Variants in CACHD1 observed in about 807,000 individuals in gnomAD.
The protein encoded by CACHD1 is cache domain containing 1, also known as VWFA and cache domain-containing protein 1.
In CACHD1, 71 loss-of-function variants were observed where a neutral mutation model predicts 138.7. The ratio of observed to expected loss-of-function variants is 0.51; its 90% CI spans 0.42 to 0.62. The LOEUF is 0.62. CACHD1 is among the 20% of genes least tolerant of loss of function. The probability of loss-of-function intolerance (pLI) is 0.00; values close to 1 mark genes in which losing one functional copy is unlikely to be tolerated. For missense variants in CACHD1, 1,389 were observed against 1,625.3 expected (o/e 0.85, Z 2.50); for synonymous variants, 578 against 591.5 (o/e 0.98, Z 0.33).
intron 3 of CACHD1, among the ~76,000 whole-genome samples, chr1:64,598,928 T>C (rs531441386): frequency 1.4e-5 from 2 of 139,434 alleles, no homozygotes; most frequent in African/African-American, 2.8e-5. Flanking sequence ...ATTAATATTA[T>C]TATATATTAA....
intron 6 of CACHD1, among the ~76,000 whole-genome samples, chr1:64,633,519 G>A (rs970710409): frequency 5.3e-5 from 8 of 152,174 alleles, no homozygotes; most frequent in African/African-American, 1.9e-4. Context: ...GGGAAGTCAG[G>A]AAGAAGGGAA....
chr1:64,550,040 T>C (rs570309745), intron 1 of CACHD1, among the ~76,000 whole-genome samples: 75 of 152,276 alleles, frequency 4.9e-4, no homozygotes, highest in Middle Eastern at 3.4e-3. Context: ...AGCTGTCATA[T>C]TTCCTGGCAT....
At chr1:64,635,596 C>A (rs1185819395) in intron 7 of CACHD1, among the ~76,000 whole-genome samples, 1 of 150,616 alleles carries the variant, frequency 6.6e-6, no homozygotes, top group Non-Finnish European at 1.5e-5. Flanking sequence ...GTTGGTCAGG[C>A]TGATCTTGAA....
chr1:64,653,369 C>A (rs1649159518), intron 10 of CACHD1, among the ~76,000 whole-genome samples: 1 of 144,136 alleles, frequency 6.9e-6, no homozygotes, highest in African/African-American at 2.6e-5. Flanking sequence ...ACATGTACCC[C>A]TGAAGTTAAA....
At chr1:64,577,513 G>A (rs754068422) in intron 2 of CACHD1, among the ~76,000 whole-genome samples, 18 of 152,106 alleles carry the variant, frequency 1.2e-4, no homozygotes, top group Non-Finnish European at 2.5e-4. Context: ...TTGAAGGTTT[G>A]GGCTCTGAAG....
chr1:64,492,791 T>C (rs531206460), intron 1 of CACHD1, among the ~76,000 whole-genome samples: 3 of 152,326 alleles, frequency 2.0e-5, no homozygotes, highest in Non-Finnish European at 4.4e-5. Flanking sequence ...TGGTGATTCA[T>C]GGAGGACATG....
rs1650060155 is a variant in CACHD1, at chr1:64,678,275, C to T, written c.3209C>T (p.Ala1070Val). 1 of 1,595,592 alleles carries T rather than the reference C, an allele frequency of 6.3e-7. No individual in the cohort carries two copies. Residue 1070 changes from alanine to valine, a missense_variant, in exon 23 of 27, where the codon GCC becomes GTC. Coordinates refer to ENST00000651257, the MANE Select transcript of CACHD1 (RefSeq NM_020925.4). Reference protein sequence around the residue: ...QKECFGGIVGAKSPYVDDMGA... With the variant: ...QKECFGGIVGVKSPYVDDMGA... ...GAATGCTTCGGGGGGATTGTGGGAGCCAAAAGTCCCTACGTTGATGACATG... is the reference window on the plus strand; with the variant it reads ...GAATGCTTCGGGGGGATTGTGGGAGTCAAAAGTCCCTACGTTGATGACATG...
At chr1:64,493,973 C>G (rs2100304059) in intron 1 of CACHD1, among the ~76,000 whole-genome samples, 1 of 152,332 alleles carries the variant, frequency 6.6e-6, no homozygotes, top group Admixed American at 6.5e-5. Flanking sequence ...TCCCAAGTCT[C>G]TCTGTCACCG....
intron 4 of CACHD1, among the ~76,000 whole-genome samples, chr1:64,621,726 G>A (rs1323524158): frequency 2.0e-5 from 3 of 152,160 alleles, no homozygotes; most frequent in African/African-American, 7.2e-5. Context: ...CACATTTGTG[G>A]AACTGAAAGA....
At chr1:64,636,621 T>G (rs1398612776) in intron 7 of CACHD1, among the ~76,000 whole-genome samples, 5 of 152,188 alleles carry the variant, frequency 3.3e-5, no homozygotes, top group South Asian at 2.1e-4. Flanking sequence ...CTCATTTCAT[T>G]TACTTCTTCA....
chr1:64,623,317 G>A (rs555331622), intron 4 of CACHD1, among the ~76,000 whole-genome samples: 2 of 151,886 alleles, frequency 1.3e-5, no homozygotes, highest in Admixed American at 1.3e-4. Context: ...TGGGAGAATC[G>A]CTTGAACCTG....
At chr1:64,506,257 C>T (rs990720266) in intron 1 of CACHD1, 1 of 152,172 alleles carries the variant, frequency 6.6e-6, no homozygotes, top group South Asian at 2.1e-4. Context: ...TTTTGCTGGG[C>T]TCCAGAAATA....
At position 64,634,065 on chromosome 1, in the gene CACHD1, G is replaced by A. The variant is rs12044863; in HGVS notation, c.811G>A (p.Asp271Asn). ...HDKISVLTVA[D>N]TVRTCSLDQC... ...GCAGATTTCTGTGTTAACTGTGGCA[G>A]ATACCGTCCGGACTTGCTCACTAGA... The change falls in exon 7 of 27, where the codon GAT becomes AAT. Residue 271 changes from aspartate (D) to asparagine (N), a missense_variant. Physicochemically the swap from Asp to Asn is conservative, Grantham distance 23. Coordinates refer to ENST00000651257, the MANE Select transcript of CACHD1 (RefSeq NM_020925.4). 2 of 1,608,850 alleles carry A rather than the reference G, an allele frequency of 1.2e-6. No individual in the cohort carries two copies. The highest frequency in any genetic ancestry group is 1.7e-6 in the Non-Finnish European group (2 of 1,177,350).
chr1:64,671,783 G>T (rs1218815705), intron 17 of CACHD1, 97 bp downstream of exon 17: 9 of 1,448,258 alleles, frequency 6.2e-6, no homozygotes, highest in Non-Finnish European at 8.6e-6. Flanking sequence ...TTATGGTCAG[G>T]AATAGAAATC....
intron 2 of CACHD1, among the ~76,000 whole-genome samples, chr1:64,560,532 T>G (rs1321975622): frequency 6.6e-6 from 1 of 152,122 alleles, no homozygotes; most frequent in East Asian, 1.9e-4. Context: ...GTTATTGATT[T>G]CTAATTTAAT....
chr1:64,659,715 C>T (rs1351271449), intron 13 of CACHD1, among the ~76,000 whole-genome samples: 2 of 152,182 alleles, frequency 1.3e-5, no homozygotes, highest in Non-Finnish European at 1.5e-5. Context: ...CACCAAACCA[C>T]AGTATACTGA....
chr1:64,685,340 C>T (rs1650332611), intron 26 of CACHD1, among the ~76,000 whole-genome samples: 1 of 152,116 alleles, frequency 6.6e-6, no homozygotes, highest in African/African-American at 2.4e-5. Context: ...TGTGAAAGTA[C>T]ACTCTGTGAC....
At chr1:64,663,894 G>T in intron 14 of CACHD1, 57 bp downstream of exon 14, 1 of 1,606,054 alleles carries the variant, frequency 6.2e-7, no homozygotes, top group Non-Finnish European at 8.5e-7. Context: ...CCCAGCAGGG[G>T]GTGCTGGCAG....
chr1:64,541,088 G>A (rs536418872), intron 1 of CACHD1, among the ~76,000 whole-genome samples: 44 of 152,342 alleles, frequency 2.9e-4, no homozygotes. Flanking sequence ...GTTAATTGTT[G>A]AGAGAAGGGG....
Sources: allele counts gnomAD v4.1 joint callset (sites outside exome capture counted in the v4.1 genomes callset), GRCh38; gene constraint gnomAD v4.1.1; transcripts MANE v1.5; gene names NCBI Gene and HGNC (gene_info 2026-07-23, HGNC 2026-07-21).